Variants in SLC2A9 observed in about 807,000 individuals in gnomAD.
SLC2A9 encodes solute carrier family 2, facilitated glucose transporter member 9.
A neutral mutation model predicts 50.6 loss-of-function variants in SLC2A9; 39 were observed. The observed-to-expected ratio is 0.77, with a 90% CI of 0.60 to 1.01. The LOEUF is 1.01. SLC2A9 is among the 50% of genes least tolerant of loss of function. SLC2A9 has a pLI of 0.00. For missense variants in SLC2A9, 686 were observed against 677.6 expected (o/e 1.01, Z -0.14); for synonymous variants, 324 against 276.9 (o/e 1.17, Z -1.69).
rs144559600 is a variant in SLC2A9, at chr4:9,953,339, C to T, written c.682-11294G>A. Among the ~76,000 whole-genome samples, 436 of 152,338 alleles carry T rather than the reference C, an allele frequency of 2.9e-3. 1 individual carries two copies. Among genetic ancestry groups the T allele is most frequent in the Middle Eastern group, 0.014 (4 of 294 alleles). Reference sequence around the variant, plus strand: ...CCCACACTGTATCATCTGCCTGTCTCAAATCTCAGCCACATGCTGTTGCTT... The same window carrying T: ...CCCACACTGTATCATCTGCCTGTCTTAAATCTCAGCCACATGCTGTTGCTT... On this transcript the variant is annotated intron_variant, in intron 5 of 11. Transcript: ENST00000264784.
chr4:9,784,866 G>T (rs1176369225), intron 3 of SLC2A9, among the ~76,000 whole-genome samples: 1 of 152,170 alleles, frequency 6.6e-6, no homozygotes, highest in Non-Finnish European at 1.5e-5. Context: ...ATCTCTTTAA[G>T]GCTAATTTTA....
At chr4:10,038,368 A>G (rs1333865072) in intron 1 of SLC2A9, among the ~76,000 whole-genome samples, 1 of 151,572 alleles carries the variant, frequency 6.6e-6, no homozygotes, top group African/African-American at 2.4e-5. Context: ...ATTAGTGGAT[A>G]TGGTGGCAGG....
At chr4:9,778,190 A>T (rs1717835391), downstream of SLC2A9, among the ~76,000 whole-genome samples, 1 of 150,758 alleles carries the variant, frequency 6.6e-6, no homozygotes, top group Admixed American at 6.6e-5. Flanking sequence ...GCTCACTGCA[A>T]CCTCCAACTC....
At chr4:9,849,286 G>A (rs948447328) in intron 10 of SLC2A9, among the ~76,000 whole-genome samples, 1 of 152,164 alleles carries the variant, frequency 6.6e-6, no homozygotes, top group Non-Finnish European at 1.5e-5. Flanking sequence ...GGGTGTGGAG[G>A]CAGACTGGGA....
intron 7 of SLC2A9, among the ~76,000 whole-genome samples, chr4:9,919,166 G>A (rs1743443130): frequency 6.6e-6 from 1 of 152,126 alleles, no homozygotes; most frequent in Non-Finnish European, 1.5e-5. Context: ...CTGAGAACAA[G>A]CAGCGCCTCC....
intron 10 of SLC2A9, among the ~76,000 whole-genome samples, chr4:9,877,557 T>C (rs556750681): frequency 1.1e-4 from 16 of 152,338 alleles, no homozygotes; most frequent in African/African-American, 3.8e-4. Flanking sequence ...GGGTTCCTTC[T>C]TTTTTCCCTC....
rs112043282 is a variant in SLC2A9 at position 9,902,709 on chromosome 4, T to C, written c.1113+5526A>G. Among the ~76,000 whole-genome samples, 421 of 152,346 alleles carry C rather than the reference T, an allele frequency of 2.8e-3. 1 individual carries two copies. Among genetic ancestry groups the C allele is most frequent in the African/African-American group, 9.6e-3 (399 of 41,580 alleles). On this transcript the variant is annotated intron_variant, in intron 8 of 11. Coordinates refer to ENST00000264784, the MANE Select transcript of SLC2A9 (RefSeq NM_020041.3). ...TTAGAGGGCGTTCTGCCTGTGTGTA[T>C]GCCTGCATCTAAATTTTCCCTTTTC...
chr4:9,947,344 G>A (rs572829031), intron 5 of SLC2A9, among the ~76,000 whole-genome samples: 4 of 152,132 alleles, frequency 2.6e-5, no homozygotes, highest in Non-Finnish European at 5.9e-5. Flanking sequence ...TGCAGCTCAA[G>A]GGATCCAGGG....
chr4:9,879,470 TAGAG>T, intron 10 of SLC2A9: 1 of 984,918 alleles, frequency 1.0e-6, no homozygotes, highest in Non-Finnish European at 1.2e-6. Flanking sequence ...GAATGCGGGA[TAGAG>T]AGGGAGGGCA....
chr4:9,990,597 C>G (rs780764208), intron 3 of SLC2A9, among the ~76,000 whole-genome samples: 1 of 152,078 alleles, frequency 6.6e-6, no homozygotes, highest in African/African-American at 2.4e-5. Flanking sequence ...GATTTCTAAC[C>G]CTGCTTTCCC....
At chr4:9,836,144 T>A (rs1577454570) in intron 10 of SLC2A9, among the ~76,000 whole-genome samples, 1 of 120,428 alleles carries the variant, frequency 8.3e-6, no homozygotes, top group African/African-American at 3.2e-5. Flanking sequence ...CTTTGGGAAC[T>A]CGGGGGAAAG....
chr4:9,859,589 G>T (rs2109379893), intron 10 of SLC2A9, among the ~76,000 whole-genome samples: 1 of 152,370 alleles, frequency 6.6e-6, no homozygotes, highest in East Asian at 1.9e-4. Flanking sequence ...TAAAACAGGA[G>T]ATCCTGAGGG....
At chr4:9,896,129 G>C (rs550427258) in intron 8 of SLC2A9, among the ~76,000 whole-genome samples, 5 of 152,358 alleles carry the variant, frequency 3.3e-5, no homozygotes, top group African/African-American at 9.6e-5. Context: ...ATATGTATAA[G>C]TGGAATGACT....
chr4:9,985,619 A>AC, intron 4 of SLC2A9, 50 bp downstream of exon 4: 1 of 1,612,142 alleles, frequency 6.2e-7, no homozygotes, highest in South Asian at 1.1e-5. Context: ...ATTTTGGGAC[A>AC]CCCCCAAGGA....
intron 10 of SLC2A9, among the ~76,000 whole-genome samples, chr4:9,846,050 A>C (rs1345288664): frequency 6.6e-6 from 1 of 152,162 alleles, no homozygotes; most frequent in Non-Finnish European, 1.5e-5. Context: ...CAGTTATTCT[A>C]ACTCCATTTA....
downstream of SLC2A9, among the ~76,000 whole-genome samples, chr4:9,825,513 G>A (rs974225591): frequency 7.5e-6 from 1 of 133,540 alleles, no homozygotes; most frequent in Non-Finnish European, 1.6e-5. Context: ...TTGTGGCAGA[G>A]ATCACCAATT....
chr4:9,808,416 G>A (rs1016171259), intron 3 of SLC2A9, among the ~76,000 whole-genome samples: 2 of 152,224 alleles, frequency 1.3e-5, no homozygotes, highest in Admixed American at 6.5e-5. Context: ...GTGAGAAGCA[G>A]TCAGCCTTTA....
upstream of SLC2A9, chr4:10,026,011 G>A (rs752688713): frequency 1.9e-6 from 3 of 1,601,192 alleles, no homozygotes; most frequent in African/African-American, 2.7e-5. Context: ...TTGTTTCTGA[G>A]AAAGAGAAAA....
intron 5 of SLC2A9, among the ~76,000 whole-genome samples, chr4:9,948,163 T>C (rs1261283954): frequency 6.6e-6 from 1 of 151,952 alleles, no homozygotes; most frequent in African/African-American, 2.4e-5. Flanking sequence ...TCCCTGGTTC[T>C]CCTCCAGCTT....
Sources: allele counts gnomAD v4.1 joint callset (sites outside exome capture counted in the v4.1 genomes callset), GRCh38; gene constraint gnomAD v4.1.1; transcripts MANE v1.5; gene names NCBI Gene and HGNC (gene_info 2026-07-23, HGNC 2026-07-21).